The following RPS6KB1 variants were observed in gnomAD, a reference collection of about 807,000 sequenced individuals.
The protein encoded by RPS6KB1 is ribosomal protein S6 kinase beta-1.
Under a neutral mutation model 70.2 loss-of-function variants are expected in RPS6KB1, and 12 were observed. The observed-to-expected ratio is 0.17, with a 90% confidence interval of 0.11 to 0.28. RPS6KB1 has a LOEUF of 0.28. Ranked by LOEUF, RPS6KB1 falls within the 10% of genes least tolerant of loss-of-function variation. The pLI is 1.00. For synonymous variants in RPS6KB1, 175 were observed against 211.2 expected (o/e 0.83, Z 1.49); for missense variants, 270 against 646.6 (o/e 0.42, Z 6.32).
At position 59,946,941 on chromosome 17, in the gene RPS6KB1, T is replaced by TA. The variant is rs2044962710; in HGVS notation, c.*159dup. The TA allele has an allele frequency of 4.1e-6, 6 of 1,470,590 alleles. No individual in the cohort carries two copies. The highest frequency in any genetic ancestry group is 1.5e-5 in the South Asian group (1 of 68,722). 91.1% of individuals were successfully genotyped at this position (1,470,590 alleles called of 1,614,324 possible). A position where few individuals can be genotyped will look rare whatever the true frequency, so the allele number is the denominator to read the frequency against. On this transcript the variant is annotated 3_prime_UTR_variant, in exon 15 of 15. Coordinates refer to ENST00000225577, the MANE Select transcript of RPS6KB1 (RefSeq NM_003161.4). The surrounding 1 kb of genome is among the most constrained non-coding windows in gnomAD (Gnocchi z 4.2). ...ACACAGGAAAAATAAACGTGGATTTTAAAAAATCAATCAATGGTGCAAAAA... is the reference window on the plus strand; with the variant it reads ...ACACAGGAAAAATAAACGTGGATTTTAAAAAAATCAATCAATGGTGCAAAAA...
At position 59,946,970 on chromosome 17, in the gene RPS6KB1, A is replaced by T. The variant is rs1191762891; in HGVS notation, c.*182A>T. 3 of 1,431,938 alleles carry T rather than the reference A, an allele frequency of 2.1e-6. No individual in the cohort carries two copies. The African/African-American group carries it at 4.3e-5, about 21-fold the overall frequency. 88.7% of individuals were successfully genotyped at this position (1,431,938 alleles called of 1,614,324 possible). A position where few individuals can be genotyped will look rare whatever the true frequency, so the allele number is the denominator to read the frequency against. On this transcript the variant is annotated 3_prime_UTR_variant, in exon 15 of 15. Transcript: ENST00000225577. This position sits in a 1 kb window ranked among gnomAD's most constrained non-coding sequence, Gnocchi z 4.2. ...AAATCAATCAATGGTGCAAAAAAAA[A>T]CTTAAAGCAAAATAGTATTGCTGAA...
chr17:59,930,263 T>G, intron 6 of RPS6KB1, 89 bp downstream of exon 6: 1 of 823,484 alleles, frequency 1.2e-6, no homozygotes, highest in South Asian at 1.3e-5. Flanking sequence ...TTCAGTAAAT[T>G]GAGCTGGAGC....
At chr17:59,899,972 C>A (rs75212357) in intron 1 of RPS6KB1, among the ~76,000 whole-genome samples, 3,448 of 151,906 alleles carry the variant, frequency 0.023, 129 homozygotes, top group African/African-American at 0.078. Context: ...CGAGACCAAC[C>A]TGGCCAACAA....
At chr17:59,919,806 T>A (rs1258426469) in intron 4 of RPS6KB1, among the ~76,000 whole-genome samples, 1 of 152,140 alleles carries the variant, frequency 6.6e-6, no homozygotes, top group Non-Finnish European at 1.5e-5. Flanking sequence ...ACCTTCTGCC[T>A]TCTACAGTCT....
chr17:59,912,816 T>A lies in RPS6KB1; in HGVS notation c.312+12T>A. ...GGGGCTATGGAAAGGTAGGCAATAT[T>A]TTTGAAATGAGAGCTGTTGTCTGTC... On this transcript the variant is annotated intron_variant, in intron 3 of 14. Transcript: ENST00000225577. 1.2e-6 allele frequency: 2 copies of A among 1,613,350 alleles called. No individual in the cohort carries two copies. Among genetic ancestry groups the A allele is most frequent in the Non-Finnish European group, 1.7e-6 (2 of 1,179,600 alleles).
At chr17:59,931,841 A>C in intron 7 of RPS6KB1, 119 bp downstream of exon 7, 2 of 650,456 alleles carry the variant, frequency 3.1e-6, no homozygotes, top group South Asian at 4.0e-5. Flanking sequence ...TTCCTCCCTC[A>C]GAATTCATGG....
chr17:59,904,238 G>A (rs1386698627), intron 1 of RPS6KB1, among the ~76,000 whole-genome samples: 5 of 150,434 alleles, frequency 3.3e-5, no homozygotes, highest in African/African-American at 1.2e-4. Flanking sequence ...GCACCAACAC[G>A]TCCGGCTAAT....
At chr17:59,895,318 CTTT>C (rs71145587) in intron 1 of RPS6KB1, among the ~76,000 whole-genome samples, 1 of 106,280 alleles carries the variant, frequency 9.4e-6, no homozygotes. Context: ...CTGCGCCTGG[CTTT>C]TTTTTTTTTT....
chr17:59,894,770 A>G (rs1180691323), intron 1 of RPS6KB1, among the ~76,000 whole-genome samples: 2 of 151,814 alleles, frequency 1.3e-5, no homozygotes, highest in Non-Finnish European at 2.9e-5. Context: ...ACATCTGGCT[A>G]ATTTTTGTAT....
chr17:59,936,635 C>T, intron 12 of RPS6KB1, 94 bp downstream of exon 12: 1 of 1,011,898 alleles, frequency 9.9e-7, no homozygotes, highest in Non-Finnish European at 1.6e-6. Flanking sequence ...TGTTTGAGGC[C>T]AGGAGTTCAA....
chr17:59,894,906 A>G lies in RPS6KB1; in HGVS notation c.141+1581A>G, dbSNP rs138512343. On this transcript the variant is annotated intron_variant, in intron 1 of 14. Transcript: ENST00000225577. ...AGGCATAAACCACCATACCTGACCA[A>G]TACTGTTCTTTTCATAATCAAATAA... Among the ~76,000 whole-genome samples the G allele has an allele frequency of 1.8e-3, 270 of 152,106 alleles. 2 individuals carry two copies. Among genetic ancestry groups the G allele is most frequent in the Middle Eastern group, 6.9e-3 (2 of 290 alleles).
chr17:59,918,140 TCAGG>T (rs2043063854), intron 4 of RPS6KB1, among the ~76,000 whole-genome samples: 2 of 151,738 alleles, frequency 1.3e-5, no homozygotes, highest in South Asian at 4.2e-4. Flanking sequence ...TCCATGTTGG[TCAGG>T]CTGGTTTCGA....
intron 7 of RPS6KB1, among the ~76,000 whole-genome samples, chr17:59,933,559 A>G (rs1293514841): frequency 6.6e-6 from 1 of 152,234 alleles, no homozygotes; most frequent in Non-Finnish European, 1.5e-5. Context: ...AAAGAAAGCT[A>G]AACTTGAACT....
At chr17:59,910,679 C>A in intron 2 of RPS6KB1, 68 bp downstream of exon 2, 1 of 971,774 alleles carries the variant, frequency 1.0e-6, no homozygotes, top group Non-Finnish European at 1.6e-6. Flanking sequence ...AGTTCTATTT[C>A]GTAGCAATCA....
At chr17:59,917,944 T>A (rs780449558) in intron 4 of RPS6KB1, among the ~76,000 whole-genome samples, 92 of 152,158 alleles carry the variant, frequency 6.0e-4, no homozygotes, top group Non-Finnish European at 1.2e-3. Context: ...CTACTCAATT[T>A]TTTTTTGAGA....
intron 4 of RPS6KB1, among the ~76,000 whole-genome samples, chr17:59,916,789 T>A (rs1265320763): frequency 6.6e-6 from 1 of 152,208 alleles, no homozygotes; most frequent in East Asian, 1.9e-4. Context: ...TTTATGTCCT[T>A]GTTTTGGTGA....
At chr17:59,935,672 A>G (rs1022413920) in intron 10 of RPS6KB1, among the ~76,000 whole-genome samples, 2 of 151,968 alleles carry the variant, frequency 1.3e-5, no homozygotes, top group Non-Finnish European at 2.9e-5. Flanking sequence ...ACAGGGTTTC[A>G]CCGTGTTGGT....
intron 1 of RPS6KB1, among the ~76,000 whole-genome samples, chr17:59,908,215 TG>T (rs1488929668): frequency 6.6e-6 from 1 of 151,624 alleles, no homozygotes; most frequent in Non-Finnish European, 1.5e-5. Flanking sequence ...TTTTTTGAGA[TG>T]GAGTCTCACT....
chr17:59,934,211 A>C lies in RPS6KB1; in HGVS notation c.730A>C (p.Ile244Leu). The part of the protein sequence containing the change: ...LTDFGLCKES[I>L]HDGTVTHTFC... ...AGACTTTGGACTATGCAAAGAATCT[A>C]TTCATGATGGAACAGTCACACACAC... The change falls in exon 8 of 15, where the codon ATT (isoleucine) becomes CTT (leucine). Residue 244 changes from isoleucine to leucine, a missense_variant. Physicochemically the swap from Ile to Leu is conservative, Grantham distance 5. Coordinates refer to ENST00000225577, the MANE Select transcript of RPS6KB1 (RefSeq NM_003161.4). The surrounding 1 kb of genome is among the most constrained non-coding windows in gnomAD (Gnocchi z 4.8). 1.9e-6 allele frequency: 3 copies of C among 1,611,542 alleles called. No homozygotes were observed. Among genetic ancestry groups the C allele is most frequent in the Non-Finnish European group, 2.5e-6 (3 of 1,177,694 alleles).
Sources: gnomAD v4.1 joint callset for allele counts (sites outside exome capture counted in the v4.1 genomes callset) on GRCh38, gnomAD v4.1.1 for gene constraint, Gnocchi (gnomAD v3.1) non-coding constraint, MANE v1.5 for transcripts, NCBI Gene and HGNC (gene_info 2026-07-23, HGNC 2026-07-21) for gene names.